The following TSPAN5 variants were observed in gnomAD, a reference collection of about 807,000 sequenced individuals.
TSPAN5 encodes tetraspanin-5.
TSPAN5 carries 10 observed loss-of-function variants against 37.1 expected under a neutral mutation model. The ratio of observed to expected loss-of-function variants is 0.27; its 90% CI spans 0.17 to 0.46. The LOEUF (loss-of-function observed/expected upper bound fraction) is 0.46. Among genes scored for constraint, TSPAN5 ranks in the 20% least tolerant of loss-of-function variants. The pLI is 1.00. For synonymous variants in TSPAN5, 110 were observed against 118.9 expected (o/e 0.93, Z 0.48); for missense variants, 195 against 326.6 (o/e 0.60, Z 3.11).
intron 4 of TSPAN5, among the ~76,000 whole-genome samples, chr4:98,481,247 T>C (rs1046659215): frequency 1.3e-5 from 2 of 152,162 alleles, no homozygotes; most frequent in South Asian, 2.1e-4. Context: ...CATTTTGCTA[T>C]TGGGGAAATA....
At chr4:98,519,485 G>A (rs1453343830) in intron 1 of TSPAN5, among the ~76,000 whole-genome samples, 1 of 151,982 alleles carries the variant, frequency 6.6e-6, no homozygotes, top group Non-Finnish European at 1.5e-5. Flanking sequence ...GTGAGACAGT[G>A]AGTCTGTTAG....
chr4:98,523,496 G>A (rs181608811), intron 1 of TSPAN5, among the ~76,000 whole-genome samples: 419 of 152,224 alleles, frequency 2.8e-3, no homozygotes, highest in South Asian at 6.0e-3. Flanking sequence ...GTGCAGAGGC[G>A]CGTGCTCGGC....
intron 1 of TSPAN5, among the ~76,000 whole-genome samples, chr4:98,639,701 C>A (rs1211446005): frequency 6.6e-6 from 1 of 152,172 alleles, no homozygotes; most frequent in Non-Finnish European, 1.5e-5. Context: ...AATATGGTGA[C>A]CCAACCCAGC....
intron 1 of TSPAN5, among the ~76,000 whole-genome samples, chr4:98,643,533 T>C (rs2110280792): frequency 6.6e-6 from 1 of 152,362 alleles, no homozygotes; most frequent in South Asian, 2.1e-4. Flanking sequence ...AAAATATATT[T>C]CAATTTGTTT....
At chr4:98,477,267 C>T (rs1752723691) in intron 5 of TSPAN5, among the ~76,000 whole-genome samples, 1 of 152,212 alleles carries the variant, frequency 6.6e-6, no homozygotes, top group East Asian at 1.9e-4. Context: ...CCATGTGGCT[C>T]TCCTCAGAAG....
chr4:98,491,581 G>C (rs748662015), intron 2 of TSPAN5, among the ~76,000 whole-genome samples: 4 of 151,842 alleles, frequency 2.6e-5, no homozygotes, highest in Non-Finnish European at 5.9e-5. Context: ...CCAGCTACTC[G>C]AGAGGCTGAG....
At chr4:98,504,712 C>A (rs1404633868) in intron 2 of TSPAN5, among the ~76,000 whole-genome samples, 1 of 152,126 alleles carries the variant, frequency 6.6e-6, no homozygotes, top group Non-Finnish European at 1.5e-5. Context: ...TATTGCCAAA[C>A]AAGGAAATGG....
chr4:98,547,201 T>C (rs943224243), intron 1 of TSPAN5, among the ~76,000 whole-genome samples: 1 of 152,210 alleles, frequency 6.6e-6, no homozygotes, highest in Admixed American at 6.5e-5. Flanking sequence ...GTGCTCCCAC[T>C]GAGGCTCCTC....
At chr4:98,504,750 C>T (rs1200348729) in intron 2 of TSPAN5, among the ~76,000 whole-genome samples, 1 of 152,040 alleles carries the variant, frequency 6.6e-6, no homozygotes, top group South Asian at 2.1e-4. Context: ...CTCAGTTGGC[C>T]AACATCACAC....
intron 1 of TSPAN5, among the ~76,000 whole-genome samples, chr4:98,537,804 C>G (rs1754270352): frequency 1.3e-5 from 2 of 152,250 alleles, no homozygotes; most frequent in Non-Finnish European, 2.9e-5. Context: ...CCCTCTGCAC[C>G]TAAATGCATT....
intron 3 of TSPAN5, chr4:98,486,480 G>A: frequency 2.3e-6 from 1 of 426,174 alleles, no homozygotes. Flanking sequence ...CTTAGGGAAT[G>A]GAATCCAAGT....
chr4:98,480,144 G>A (rs1314254922), intron 4 of TSPAN5, among the ~76,000 whole-genome samples: 1 of 152,134 alleles, frequency 6.6e-6, no homozygotes, highest in African/African-American at 2.4e-5. Flanking sequence ...TTGCATTGCA[G>A]GCTGCTGGCC....
At chr4:98,632,717 T>C (rs993745239) in intron 1 of TSPAN5, among the ~76,000 whole-genome samples, 7 of 152,258 alleles carry the variant, frequency 4.6e-5, no homozygotes, top group Middle Eastern at 3.4e-3. Flanking sequence ...CTAATTATGA[T>C]GTATGCTCTG....
Position 98,532,988 on chromosome 4 carries a change from T to C in TSPAN5, c.82-25260A>G, listed in dbSNP as rs1754132574. On this transcript the variant is annotated intron_variant, in intron 1 of 7. Coordinates refer to ENST00000305798, the MANE Select transcript of TSPAN5 (RefSeq NM_005723.4). ...CTGGTTCTGTTTATGTGATGGATTA[T>C]GTTTATTGATTTGTGTATGTTGAAC... 1.3e-5 allele frequency among the ~76,000 whole-genome samples: 2 copies of C among 152,320 alleles called. 1 individual carries two copies. The highest frequency in any genetic ancestry group is 2.9e-5 in the Non-Finnish European group (2 of 68,024).
chr4:98,544,946 C>T (rs1012435075), intron 1 of TSPAN5, among the ~76,000 whole-genome samples: 1 of 152,132 alleles, frequency 6.6e-6, no homozygotes, highest in East Asian at 1.9e-4. Context: ...TGCTGAGATG[C>T]CCCCATGGAG....
chr4:98,628,884 ATTACT>A (rs1756670064), intron 1 of TSPAN5, among the ~76,000 whole-genome samples: 2 of 152,206 alleles, frequency 1.3e-5, no homozygotes, highest in African/African-American at 4.8e-5. Context: ...TTATGGATAA[ATTACT>A]TTAAGATTTC....
chr4:98,623,536 A>C (rs1481266131), intron 1 of TSPAN5, among the ~76,000 whole-genome samples: 2 of 151,728 alleles, frequency 1.3e-5, no homozygotes, highest in Admixed American at 1.3e-4. Flanking sequence ...ATAGTTCCAG[A>C]GATTATAAAA....
At chr4:98,612,168 C>G (rs1756211329) in intron 1 of TSPAN5, among the ~76,000 whole-genome samples, 1 of 152,184 alleles carries the variant, frequency 6.6e-6, no homozygotes, top group African/African-American at 2.4e-5. Context: ...TCTTTCCCAT[C>G]TCTCTTCCAT....
intron 1 of TSPAN5, among the ~76,000 whole-genome samples, chr4:98,630,901 C>T (rs1405984462): frequency 2.6e-5 from 4 of 152,138 alleles, no homozygotes; most frequent in Non-Finnish European, 4.4e-5. Flanking sequence ...GAAGTACAAA[C>T]GAAGGGAATC....
Sources: allele counts gnomAD v4.1 joint callset (sites outside exome capture counted in the v4.1 genomes callset), GRCh38; gene constraint gnomAD v4.1.1; transcripts MANE v1.5; gene names NCBI Gene and HGNC (gene_info 2026-07-23, HGNC 2026-07-21).